The following PRKG2 variants were observed in gnomAD, a reference collection of about 807,000 sequenced individuals.
PRKG2 encodes protein kinase cGMP-dependent 2.
In PRKG2, 33 loss-of-function variants were observed where a neutral mutation model predicts 97.2. That is an observed-to-expected ratio of 0.34 (90% CI 0.26 to 0.45). The LOEUF (loss-of-function observed/expected upper bound fraction) is 0.45. PRKG2 is among the 20% of genes least tolerant of loss of function. PRKG2 has a pLI of 1.00. For synonymous variants in PRKG2, 330 were observed against 321.8 expected (o/e 1.03, Z -0.27); for missense variants, 638 against 900.0 (o/e 0.71, Z 3.73).
chr4:81,205,022 T>G lies in PRKG2; in HGVS notation c.26A>C (p.Lys9Thr). 1.2e-6 allele frequency: 2 copies of G among 1,611,682 alleles called. No individual in the cohort carries two copies. The highest frequency in any genetic ancestry group is 1.7e-6 in the Non-Finnish European group (2 of 1,178,944). Reference sequence around the variant, plus strand: ...GTGTCCATCTGGGTGCTTAGAATGTTTAGGTTTCACTGAACCATTTCCCAT... The same window carrying G: ...GTGTCCATCTGGGTGCTTAGAATGTGTAGGTTTCACTGAACCATTTCCCAT... Reference protein sequence around the residue: MGNGSVKPKHSKHPDGHSG... With the variant: MGNGSVKPTHSKHPDGHSG... The change falls in exon 2 of 19, where the codon AAA becomes ACA. Residue 9 changes from lysine (K) to threonine (T), a missense_variant. This residue lies in a region of PRKG2 where 332 missense variants were observed against 421.7 expected (regional missense o/e 0.79). Transcript: ENST00000264399.
intron 14 of PRKG2, among the ~76,000 whole-genome samples, chr4:81,133,805 A>T (rs72663829): frequency 0.097 from 14,743 of 151,888 alleles, 845 homozygotes; most frequent in Middle Eastern, 0.2. Context: ...TGTTTTTTTT[A>T]AAAAAAAGCA....
intron 12 of PRKG2, among the ~76,000 whole-genome samples, chr4:81,139,564 G>A (rs1747049580): frequency 6.6e-6 from 1 of 151,306 alleles, no homozygotes; most frequent in Admixed American, 6.6e-5. Flanking sequence ...TCAGGAGATC[G>A]AGACCGTCCT....
chr4:81,089,640 A>G lies in PRKG2; in HGVS notation c.*68T>C, dbSNP rs1428083525. 1.7e-6 allele frequency: 2 copies of G among 1,162,598 alleles called. No homozygotes were observed. The highest frequency in any genetic ancestry group is 3.1e-5 in the African/African-American group (2 of 64,344). The allele number at this position is 1,162,598 out of a possible 1,614,324, so 72.0% of individuals were successfully genotyped here. On this transcript the variant is annotated 3_prime_UTR_variant, in exon 19 of 19. Transcript: ENST00000264399. ...ATTATAATACTCTGAAAAGAAAATA[A>G]TGTGTTGGATTATTGATCCTTGAGG...
At chr4:81,186,892 C>T (rs546007930) in intron 2 of PRKG2, among the ~76,000 whole-genome samples, 30 of 152,170 alleles carry the variant, frequency 2.0e-4, no homozygotes, top group African/African-American at 6.7e-4. Context: ...GGATAAATAC[C>T]TGGACACATA....
chr4:81,126,963 G>T (rs760774098), intron 14 of PRKG2, among the ~76,000 whole-genome samples: 11 of 152,136 alleles, frequency 7.2e-5, no homozygotes, highest in Non-Finnish European at 1.3e-4. Flanking sequence ...TGCCCTGAAT[G>T]GTACCGCCTA....
upstream of PRKG2, among the ~76,000 whole-genome samples, chr4:81,217,619 A>G (rs1754321420): frequency 6.6e-6 from 1 of 152,226 alleles, no homozygotes; most frequent in Admixed American, 6.5e-5. Context: ...TTAACTTGTG[A>G]TCTCTGCCAA....
chr4:81,140,251 G>A (rs1335245170), intron 12 of PRKG2, among the ~76,000 whole-genome samples: 3 of 151,904 alleles, frequency 2.0e-5, no homozygotes, highest in African/African-American at 7.3e-5. Flanking sequence ...GCACAACAGG[G>A]GCATCATAGT....
chr4:81,182,916 T>C (rs1404773970), intron 2 of PRKG2, among the ~76,000 whole-genome samples: 1 of 152,086 alleles, frequency 6.6e-6, no homozygotes, highest in African/African-American at 2.4e-5. Flanking sequence ...ACCATGGTCA[T>C]AGATTAGAAG....
chr4:81,108,475 T>C (rs1293185959), intron 15 of PRKG2, among the ~76,000 whole-genome samples: 1 of 145,176 alleles, frequency 6.9e-6, no homozygotes, highest in Admixed American at 6.8e-5. Context: ...TTAACACTAT[T>C]GGTTTTTTTT....
chr4:81,145,570 T>C (rs2110046952), intron 9 of PRKG2, among the ~76,000 whole-genome samples: 1 of 152,190 alleles, frequency 6.6e-6, no homozygotes, highest in Non-Finnish European at 1.5e-5. Context: ...AATCACTCTG[T>C]CTCCTGTCCA....
chr4:81,098,322 G>GTTAATAC (rs113699088), intron 17 of PRKG2, among the ~76,000 whole-genome samples: 58,641 of 151,436 alleles, frequency 0.39, 17,598 homozygotes, highest in African/African-American at 0.83. Flanking sequence ...GATCGTGTGA[G>GTTAATAC]TTAATAAACT....
chr4:81,200,663 T>C (rs1753247202), intron 2 of PRKG2, among the ~76,000 whole-genome samples: 1 of 152,092 alleles, frequency 6.6e-6, no homozygotes, highest in South Asian at 2.1e-4. Flanking sequence ...CACGGTATAT[T>C]CCATAACTCC....
At chr4:81,098,316 G>A (rs570755798) in intron 17 of PRKG2, among the ~76,000 whole-genome samples, 2,819 of 111,838 alleles carry the variant, frequency 0.025, 96 homozygotes, top group African/African-American at 0.18. Flanking sequence ...CCTTGTGATC[G>A]TGTGAGTTAA....
intron 6 of PRKG2, among the ~76,000 whole-genome samples, chr4:81,158,753 T>C (rs1749339243): frequency 6.6e-6 from 1 of 152,060 alleles, no homozygotes; most frequent in Non-Finnish European, 1.5e-5. Flanking sequence ...AACAGAGATA[T>C]AGATCAATGG....
intron 2 of PRKG2, among the ~76,000 whole-genome samples, chr4:81,196,104 G>T (rs1752945794): frequency 6.6e-6 from 1 of 152,196 alleles, no homozygotes; most frequent in Admixed American, 6.5e-5. Flanking sequence ...GGGACGCAAG[G>T]CAGGAACTCT....
intron 14 of PRKG2, among the ~76,000 whole-genome samples, chr4:81,124,460 T>C (rs1745361925): frequency 6.6e-6 from 1 of 152,210 alleles, no homozygotes; most frequent in African/African-American, 2.4e-5. Context: ...GCCAACAGAA[T>C]ACACTGCAAG....
chr4:81,141,190 T>C (rs1747248817), intron 11 of PRKG2, among the ~76,000 whole-genome samples: 1 of 151,996 alleles, frequency 6.6e-6, no homozygotes, highest in Non-Finnish European at 1.5e-5. Context: ...TTTGTATTTT[T>C]TATAAAGGTG....
At chr4:81,172,098 T>C (rs80298036) in intron 3 of PRKG2, among the ~76,000 whole-genome samples, 1,654 of 152,000 alleles carry the variant, frequency 0.011, 35 homozygotes, top group African/African-American at 0.038. Flanking sequence ...TAAGTTAATC[T>C]AGGTAAGGAA....
intron 16 of PRKG2, 105 bp from the exon 17 acceptor site, chr4:81,104,537 A>C (rs1443544): frequency 0.1 from 49,490 of 484,738 alleles, 2,865 homozygotes; most frequent in Middle Eastern, 0.15. Flanking sequence ...TTAATTAATT[A>C]ATTCATTCAT....
Sources: gnomAD v4.1 joint callset for allele counts (sites outside exome capture counted in the v4.1 genomes callset) on GRCh38, gnomAD v4.1.1 for gene constraint, gnomAD v4.1.1 regional missense constraint, MANE v1.5 for transcripts, NCBI Gene and HGNC (gene_info 2026-07-23, HGNC 2026-07-21) for gene names.